The following MACROD2 variants were observed in gnomAD, a reference collection of about 807,000 sequenced individuals.
MACROD2 encodes the protein ADP-ribose glycohydrolase MACROD2.
A neutral mutation model predicts 70.4 loss-of-function variants in MACROD2; 36 were observed. That is an observed-to-expected ratio of 0.51 (90% CI 0.39 to 0.68). The LOEUF (loss-of-function observed/expected upper bound fraction) is 0.68. Among genes scored for constraint, MACROD2 ranks in the 30% least tolerant of loss-of-function variants. MACROD2 has a pLI of 0.00. For missense variants in MACROD2, 496 were observed against 538.4 expected, an observed-to-expected ratio of 0.92 and a Z score of 0.78; for synonymous variants, 172 against 178.8, an observed-to-expected ratio of 0.96 and a Z score of 0.30.
At position 14,498,228 on chromosome 20, in the gene MACROD2, C is replaced by T. The variant is rs1223027351; in HGVS notation, c.301+4720C>T. On this transcript the variant is annotated intron_variant, in intron 4 of 17. Coordinates refer to ENST00000684519, the MANE Select transcript of MACROD2 (RefSeq NM_001351661.2). Reference sequence around the variant, plus strand: ...GTGATAGGTGCACCAAAATCTCAGCCTTTGCCATTACACAATTCATCCATG... The same window carrying T: ...GTGATAGGTGCACCAAAATCTCAGCTTTTGCCATTACACAATTCATCCATG... 1.3e-5 allele frequency among the ~76,000 whole-genome samples: 2 copies of T among 148,644 alleles called. 1 individual carries two copies. Among genetic ancestry groups the T allele is most frequent in the African/African-American group, 5.2e-5 (2 of 38,098 alleles).
intron 8 of MACROD2, among the ~76,000 whole-genome samples, chr20:15,674,520 C>T: frequency 6.6e-6 from 1 of 152,040 alleles, no homozygotes; most frequent in Non-Finnish European, 1.5e-5. Context: ...CTTGACCTCC[C>T]TGACAGGTTC....
Position 15,089,518 on chromosome 20 carries a change from T to G in MACROD2, c.419-140422T>G, listed in dbSNP as rs755042970. Reference sequence around the variant, plus strand: ...ACTGTAAACTCAACATGTCAACTCTTTTATCTGATTTTAATTCTTGGAATA... The same window carrying G: ...ACTGTAAACTCAACATGTCAACTCTGTTATCTGATTTTAATTCTTGGAATA... On this transcript the variant is annotated intron_variant, in intron 5 of 17. Coordinates refer to ENST00000684519, the MANE Select transcript of MACROD2 (RefSeq NM_001351661.2). 2.0e-5 allele frequency among the ~76,000 whole-genome samples: 3 copies of G among 152,092 alleles called. No individual in the cohort carries two copies. In the South Asian group the frequency reaches 6.2e-4, roughly 31 times the overall value.
At chr20:15,674,618 T>A (rs2050029471) in intron 8 of MACROD2, among the ~76,000 whole-genome samples, 1 of 152,056 alleles carries the variant, frequency 6.6e-6, no homozygotes, top group Non-Finnish European at 1.5e-5. Flanking sequence ...CCTCTATCAG[T>A]CTCTGCTGCC....
chr20:15,236,521 C>G (rs2077015272), intron 6 of MACROD2, among the ~76,000 whole-genome samples: 1 of 152,166 alleles, frequency 6.6e-6, no homozygotes, highest in Non-Finnish European at 1.5e-5. Flanking sequence ...CACTTGGTGC[C>G]AGGCACTGTG....
At chr20:14,786,233 A>AGAGAGAGG (rs1203531407) in intron 5 of MACROD2, among the ~76,000 whole-genome samples, 3 of 151,368 alleles carry the variant, frequency 2.0e-5, no homozygotes, top group Non-Finnish European at 4.4e-5. Context: ...AGAGAGAGAG[A>AGAGAGAGG]GAGAATATGA....
intron 6 of MACROD2, among the ~76,000 whole-genome samples, chr20:15,380,676 G>C (rs1181829149): frequency 6.6e-6 from 1 of 151,956 alleles, no homozygotes; most frequent in Non-Finnish European, 1.5e-5. Context: ...ACATTATATT[G>C]TGCACGAAAT....
intron 8 of MACROD2, among the ~76,000 whole-genome samples, chr20:15,836,689 A>C (rs2064117681): frequency 6.6e-6 from 1 of 152,216 alleles, no homozygotes; most frequent in Non-Finnish European, 1.5e-5. Context: ...GGGATTGACT[A>C]TCCGTAATAG....
intron 8 of MACROD2, among the ~76,000 whole-genome samples, chr20:15,503,488 A>G (rs1303924431): frequency 1.3e-5 from 2 of 152,232 alleles, no homozygotes; most frequent in African/African-American, 2.4e-5. Flanking sequence ...ACTAGCTTAC[A>G]TAAAGGAGAA....
intron 5 of MACROD2, among the ~76,000 whole-genome samples, chr20:15,031,692 G>A (rs758566616): frequency 7.9e-5 from 12 of 152,250 alleles, no homozygotes; most frequent in African/African-American, 2.6e-4. Flanking sequence ...CAGAGTTAGC[G>A]GTGTTTTTAT....
intron 4 of MACROD2, among the ~76,000 whole-genome samples, chr20:14,631,321 C>G (rs1984493512): frequency 6.6e-6 from 1 of 152,138 alleles, no homozygotes. Context: ...TTGAAACAAC[C>G]ACTTCTCTTT....
chr20:14,524,023 A>G (rs1221571928), intron 4 of MACROD2, among the ~76,000 whole-genome samples: 1 of 152,238 alleles, frequency 6.6e-6, no homozygotes, highest in East Asian at 1.9e-4. Flanking sequence ...ATGAACTCTA[A>G]AATGTCCTCA....
At chr20:14,530,499 C>T (rs189585516) in intron 4 of MACROD2, among the ~76,000 whole-genome samples, 21 of 152,270 alleles carry the variant, frequency 1.4e-4, no homozygotes, top group Non-Finnish European at 1.8e-4. Context: ...CCAGTTGTTT[C>T]CCTGCACACT....
At chr20:15,237,982 A>T (rs996601916) in intron 6 of MACROD2, among the ~76,000 whole-genome samples, 2 of 152,160 alleles carry the variant, frequency 1.3e-5, no homozygotes, top group Non-Finnish European at 1.5e-5. Flanking sequence ...AACTGGGCAG[A>T]TATGGGTGGG....
At chr20:14,916,875 A>C (rs567576139) in intron 5 of MACROD2, among the ~76,000 whole-genome samples, 2 of 152,250 alleles carry the variant, frequency 1.3e-5, no homozygotes, top group Admixed American at 6.5e-5. Context: ...GGAAAAAAAT[A>C]TATCTTTTTC....
chr20:14,075,950 T>C (rs1389704279), intron 2 of MACROD2, among the ~76,000 whole-genome samples: 1 of 152,138 alleles, frequency 6.6e-6, no homozygotes, highest in Non-Finnish European at 1.5e-5. Flanking sequence ...CTCCATAAGA[T>C]TACATGGGAA....
intron 6 of MACROD2, among the ~76,000 whole-genome samples, chr20:15,275,247 C>G (rs967327683): frequency 6.6e-6 from 1 of 152,108 alleles, no homozygotes; most frequent in Non-Finnish European, 1.5e-5. Flanking sequence ...AACAAACAAA[C>G]AAACAAAAAC....
chr20:15,935,455 G>T (rs988808174), intron 11 of MACROD2, among the ~76,000 whole-genome samples: 1 of 152,164 alleles, frequency 6.6e-6, no homozygotes, highest in South Asian at 2.1e-4. Context: ...CGAAGATGTG[G>T]TTATGGGTCG....
chr20:14,238,381 C>T (rs2081897063), intron 3 of MACROD2, among the ~76,000 whole-genome samples: 1 of 152,128 alleles, frequency 6.6e-6, no homozygotes, highest in African/African-American at 2.4e-5. Context: ...AAATACTCAA[C>T]ACACCAGGCG....
At chr20:14,070,933 G>A (rs2053828827) in intron 2 of MACROD2, among the ~76,000 whole-genome samples, 1 of 152,030 alleles carries the variant, frequency 6.6e-6, no homozygotes, top group Admixed American at 6.6e-5. Context: ...ATCAAATCTG[G>A]CTAAATCTTC....
Sources: gnomAD v4.1 joint callset for allele counts (sites outside exome capture counted in the v4.1 genomes callset) on GRCh38, gnomAD v4.1.1 for gene constraint, MANE v1.5 for transcripts, NCBI Gene and HGNC (gene_info 2026-07-23, HGNC 2026-07-21) for gene names.